The following LMX1A variants were observed in gnomAD, a reference collection of about 807,000 sequenced individuals.
LMX1A encodes LIM homeobox transcription factor 1-alpha.
In LMX1A, 15 loss-of-function variants were observed where a neutral mutation model predicts 49.1. The observed-to-expected ratio is 0.31, with a 90% CI of 0.20 to 0.47. LMX1A has a LOEUF of 0.47. LMX1A is among the 20% of genes least tolerant of loss of function. The probability of loss-of-function intolerance (pLI) is 1.00; values close to 1 mark genes in which losing one functional copy is unlikely to be tolerated. For missense variants in LMX1A, 372 were observed against 475.8 expected (o/e 0.78, Z 2.03); for synonymous variants, 167 against 185.7 (o/e 0.90, Z 0.82).
At chr1:165,333,739 C>T (rs1029147086) in intron 3 of LMX1A, among the ~76,000 whole-genome samples, 9 of 152,144 alleles carry the variant, frequency 5.9e-5, no homozygotes, top group African/African-American at 9.7e-5. Context: ...TACACACACA[C>T]ATGCATACAC....
At chr1:165,285,088 A>C (rs1654267819) in intron 3 of LMX1A, among the ~76,000 whole-genome samples, 1 of 152,230 alleles carries the variant, frequency 6.6e-6, no homozygotes, top group South Asian at 2.1e-4. Flanking sequence ...AAAAGATTAC[A>C]TGTTTAGTTT....
chr1:165,241,012 T>C (rs1234881261), intron 4 of LMX1A, among the ~76,000 whole-genome samples: 1 of 152,264 alleles, frequency 6.6e-6, no homozygotes, highest in African/African-American at 2.4e-5. Context: ...CCATTCTTGC[T>C]TGAAATTTCT....
At chr1:165,261,553 T>G (rs1271846928) in intron 3 of LMX1A, among the ~76,000 whole-genome samples, 1 of 152,156 alleles carries the variant, frequency 6.6e-6, no homozygotes, top group African/African-American at 2.4e-5. Context: ...GCCAAAATGA[T>G]TGAAAACAAG....
chr1:165,231,292 T>G (rs1309620405), intron 4 of LMX1A, among the ~76,000 whole-genome samples: 1 of 96,274 alleles, frequency 1.0e-5, no homozygotes, highest in Non-Finnish European at 2.2e-5. Context: ...ACTGGCTTAG[T>G]TTTTTTTTTT....
At chr1:165,271,098 T>C (rs751766264) in intron 3 of LMX1A, among the ~76,000 whole-genome samples, 3 of 152,122 alleles carry the variant, frequency 2.0e-5, no homozygotes, top group Non-Finnish European at 2.9e-5. Flanking sequence ...GGCCAACCCA[T>C]CTCTTTCCCC....
intron 8 of LMX1A, 103 bp from the exon 9 acceptor site, chr1:165,204,143 T>G: frequency 8.0e-7 from 1 of 1,245,090 alleles, no homozygotes; most frequent in Non-Finnish European, 1.1e-6. Context: ...GAGCACAGGC[T>G]CCAGGTGAAA....
At chr1:165,288,710 G>A (rs989588967) in intron 3 of LMX1A, among the ~76,000 whole-genome samples, 6 of 152,234 alleles carry the variant, frequency 3.9e-5, no homozygotes, top group East Asian at 1.9e-4. Context: ...GTGTGTATGC[G>A]TGTTTGCGCG....
At chr1:165,354,018 A>T (rs1469344302) in intron 2 of LMX1A, among the ~76,000 whole-genome samples, 1 of 152,184 alleles carries the variant, frequency 6.6e-6, no homozygotes, top group Non-Finnish European at 1.5e-5. Context: ...GACTCAGCGG[A>T]GGCAGGAAAT....
In LMX1A at chr1:165,210,694, G is replaced by A. The variant is rs187240783; in HGVS notation, c.747+5C>T. 130 of 1,609,046 alleles carry A rather than the reference G, an allele frequency of 8.1e-5. No individual in the cohort carries two copies. In the Admixed American group the frequency reaches 1.4e-3, roughly 17 times the overall value. ...GGGGACAGATAAAAGTAAGAAGCAG[G>A]TTACCTTCGCTCTCTGGTTTTGGAA... On this transcript the variant is annotated splice_donor_5th_base_variant and intron_variant, in intron 6 of 8. Transcript: ENST00000342310.
At chr1:165,306,005 G>T (rs915772312) in intron 3 of LMX1A, among the ~76,000 whole-genome samples, 38 of 152,256 alleles carry the variant, frequency 2.5e-4, no homozygotes, top group African/African-American at 7.7e-4. Context: ...TTACTAGCAT[G>T]AACGTCATTT....
chr1:165,293,272 A>G (rs886369303), intron 3 of LMX1A, among the ~76,000 whole-genome samples: 5 of 152,220 alleles, frequency 3.3e-5, no homozygotes, highest in Admixed American at 2.6e-4. Flanking sequence ...TTCATGGGCC[A>G]TATAGACAGT....
chr1:165,330,502 T>C (rs1655715714), intron 3 of LMX1A, among the ~76,000 whole-genome samples: 1 of 152,286 alleles, frequency 6.6e-6, no homozygotes, highest in East Asian at 1.9e-4. Flanking sequence ...TGAAACAAGT[T>C]TCCTCTTCCA....
chr1:165,287,207 T>C (rs1161220147), intron 3 of LMX1A, among the ~76,000 whole-genome samples: 2 of 152,186 alleles, frequency 1.3e-5, no homozygotes, highest in East Asian at 3.9e-4. Context: ...AAAATCCACC[T>C]GATCCGGTCC....
At chr1:165,257,771 A>C (rs1653300083) in intron 3 of LMX1A, among the ~76,000 whole-genome samples, 1 of 152,226 alleles carries the variant, frequency 6.6e-6, no homozygotes, top group Non-Finnish European at 1.5e-5. Flanking sequence ...GATCTTCATC[A>C]ACCTCATCCC....
chr1:165,311,690 C>T (rs1408652141), intron 3 of LMX1A, among the ~76,000 whole-genome samples: 1 of 152,220 alleles, frequency 6.6e-6, no homozygotes, highest in Non-Finnish European at 1.5e-5. Context: ...GTAGCCCCAG[C>T]TTTGAAAGAG....
intron 5 of LMX1A, among the ~76,000 whole-genome samples, chr1:165,211,909 G>A (rs779782505): frequency 2.0e-5 from 3 of 152,070 alleles, no homozygotes; most frequent in African/African-American, 7.2e-5. Flanking sequence ...ATGTGTACAC[G>A]CATCTCCTTC....
chr1:165,305,172 G>A (rs1654887846), intron 3 of LMX1A, among the ~76,000 whole-genome samples: 1 of 152,208 alleles, frequency 6.6e-6, no homozygotes, highest in African/African-American at 2.4e-5. Context: ...AAAGGAAGGT[G>A]AGAGACATGT....
chr1:165,221,908 T>TACACAC (rs3038076), intron 4 of LMX1A, among the ~76,000 whole-genome samples: 3 of 126,898 alleles, frequency 2.4e-5, no homozygotes, highest in East Asian at 3.4e-4. Flanking sequence ...GTCTCCACTC[T>TACACAC]ACACACACAC....
At chr1:165,308,644 G>A (rs749424956) in intron 3 of LMX1A, among the ~76,000 whole-genome samples, 1 of 152,142 alleles carries the variant, frequency 6.6e-6, no homozygotes, top group Non-Finnish European at 1.5e-5. Flanking sequence ...CACTTTACAG[G>A]CAAGAAAATT....
Sources: allele counts gnomAD v4.1 joint callset (sites outside exome capture counted in the v4.1 genomes callset), GRCh38; gene constraint gnomAD v4.1.1; transcripts MANE v1.5; gene names NCBI Gene and HGNC (gene_info 2026-07-23, HGNC 2026-07-21).